The following ANK2 variants were observed in gnomAD, a reference collection of about 807,000 sequenced individuals.
ANK2 encodes the protein ankyrin 2.
In ANK2, 83 loss-of-function variants were observed where a neutral mutation model predicts 360.5. The ratio of observed to expected loss-of-function variants is 0.23; its 90% CI spans 0.19 to 0.28. The LOEUF (loss-of-function observed/expected upper bound fraction) is 0.28. Among genes scored for constraint, ANK2 ranks in the 10% least tolerant of loss-of-function variants. The probability of loss-of-function intolerance (pLI) is 1.00; values close to 1 mark genes in which losing one functional copy is unlikely to be tolerated. For synonymous variants in ANK2, 1,740 were observed against 1,759.5 expected (o/e 0.99, Z 0.28); for missense variants, 4,201 against 4,795.7 (o/e 0.88, Z 3.66).
chr4:112,944,255 T>A (rs904247383), intron 2 of ANK2, among the ~76,000 whole-genome samples: 2 of 152,228 alleles, frequency 1.3e-5, no homozygotes, highest in Non-Finnish European at 1.5e-5. Context: ...CATTCTCTTG[T>A]CTATTTGTTC....
At chr4:112,841,552 A>G (rs1311621556) in intron 1 of ANK2, among the ~76,000 whole-genome samples, 2 of 152,196 alleles carry the variant, frequency 1.3e-5, no homozygotes, top group South Asian at 2.1e-4. Flanking sequence ...AAAACTGTGG[A>G]CTGTGAGATG....
At chr4:113,209,841 A>G (rs993043099) in intron 4 of ANK2, among the ~76,000 whole-genome samples, 6 of 150,320 alleles carry the variant, frequency 4.0e-5, no homozygotes, top group Non-Finnish European at 8.8e-5. Flanking sequence ...TTAAAAATGT[A>G]GGGTCAGCAG....
intron 4 of ANK2, among the ~76,000 whole-genome samples, chr4:113,211,356 T>C (rs981175605): frequency 3.3e-5 from 5 of 152,218 alleles, no homozygotes; most frequent in African/African-American, 7.2e-5. Context: ...TAATGTGCCA[T>C]TGATTAATAA....
chr4:113,164,018 G>A (rs890729947), intron 1 of ANK2, among the ~76,000 whole-genome samples: 1 of 152,004 alleles, frequency 6.6e-6, no homozygotes, highest in Non-Finnish European at 1.5e-5. Flanking sequence ...TTGGCCCCAG[G>A]CAATCACTTA....
chr4:113,367,298 A>G (rs569142237), intron 41 of ANK2, among the ~76,000 whole-genome samples: 19 of 151,880 alleles, frequency 1.3e-4, no homozygotes, highest in African/African-American at 4.4e-4. Flanking sequence ...TTCTAACCCC[A>G]TGTTAGGTGC....
intron 1 of ANK2, among the ~76,000 whole-genome samples, chr4:112,838,641 G>A (rs1259982592): frequency 1.3e-5 from 2 of 152,224 alleles, no homozygotes; most frequent in Non-Finnish European, 2.9e-5. Context: ...GCCAAGGTGA[G>A]TGGATCACCT....
chr4:112,782,458 G>T, the ANK2 span, among the ~76,000 whole-genome samples: 1 of 152,188 alleles, frequency 6.6e-6, no homozygotes, highest in East Asian at 1.9e-4. Flanking sequence ...GAATCAAATA[G>T]TGCTTACCTA....
chr4:113,172,930 A>G (rs2153223621), intron 1 of ANK2, among the ~76,000 whole-genome samples: 1 of 152,350 alleles, frequency 6.6e-6, no homozygotes. Flanking sequence ...AGGCATTTAA[A>G]AACGAGTCAC....
At chr4:112,949,187 C>T (rs976021880) in intron 2 of ANK2, among the ~76,000 whole-genome samples, 2 of 152,114 alleles carry the variant, frequency 1.3e-5, no homozygotes, top group South Asian at 2.1e-4. Flanking sequence ...CTGATTTCAT[C>T]TTGAAAGAAG....
At chr4:113,080,080 G>A (rs184360384) in intron 1 of ANK2, among the ~76,000 whole-genome samples, 1 of 152,102 alleles carries the variant, frequency 6.6e-6, no homozygotes, top group South Asian at 2.1e-4. Context: ...TGTATTTTTG[G>A]TAGAGACGGG....
At chr4:113,147,801 A>T (rs1044070369) in intron 1 of ANK2, among the ~76,000 whole-genome samples, 2 of 152,244 alleles carry the variant, frequency 1.3e-5, no homozygotes, top group Non-Finnish European at 2.9e-5. Context: ...AGGACCAAAG[A>T]TCTGCTCTTA....
chr4:112,860,090 T>G (rs2067503747), intron 1 of ANK2, among the ~76,000 whole-genome samples: 1 of 152,224 alleles, frequency 6.6e-6, no homozygotes, highest in African/African-American at 2.4e-5. Flanking sequence ...GTTCTGTAAC[T>G]GAGAATAAAA....
chr4:113,029,004 G>A (rs145249890), intron 2 of ANK2, among the ~76,000 whole-genome samples: 53 of 152,164 alleles, frequency 3.5e-4, no homozygotes, highest in Middle Eastern at 6.8e-3. Flanking sequence ...TGTTCTGTTA[G>A]TGCAACTCAG....
chr4:113,315,761 T>A (rs1266698473), intron 24 of ANK2, among the ~76,000 whole-genome samples: 1 of 151,658 alleles, frequency 6.6e-6, no homozygotes, highest in Non-Finnish European at 1.5e-5. Flanking sequence ...TAGCCAGGCG[T>A]GGTGGCAGGC....
At chr4:113,117,537 C>T in intron 1 of ANK2, 1 of 392,358 alleles carries the variant, frequency 2.5e-6, no homozygotes, top group Non-Finnish European at 5.1e-6. Flanking sequence ...TTTCTAAGCT[C>T]AGTTTGCAGC....
At chr4:112,862,115 A>C (rs1256045781) in intron 1 of ANK2, among the ~76,000 whole-genome samples, 6 of 152,186 alleles carry the variant, frequency 3.9e-5, no homozygotes, top group African/African-American at 1.4e-4. Flanking sequence ...ATGAAAGGGA[A>C]ATAAAGGATG....
the ANK2 span, among the ~76,000 whole-genome samples, chr4:112,783,920 A>T: frequency 4.0e-3 from 608 of 152,194 alleles, 3 homozygotes; most frequent in African/African-American, 0.013. Context: ...AAGTGTTGGG[A>T]TTACAGGCGT....
chr4:112,788,161 G>A, the ANK2 span: 3 of 1,583,632 alleles, frequency 1.9e-6, no homozygotes, highest in South Asian at 1.1e-5. Context: ...TAGGACCCAG[G>A]ATGTTGCCAC....
At chr4:113,313,296 T>C (rs2081067652) in intron 24 of ANK2, among the ~76,000 whole-genome samples, 1 of 152,238 alleles carries the variant, frequency 6.6e-6, no homozygotes, top group Admixed American at 6.5e-5. Context: ...GCTTCTATTT[T>C]TTGCATGGTC....
Sources: gnomAD v4.1 joint callset for allele counts (sites outside exome capture counted in the v4.1 genomes callset) on GRCh38, gnomAD v4.1.1 for gene constraint, MANE v1.5 for transcripts, NCBI Gene and HGNC (gene_info 2026-07-23, HGNC 2026-07-21) for gene names.